Variants in LRRC7 observed in about 807,000 individuals in gnomAD.
LRRC7 encodes leucine-rich repeat-containing protein 7.
Under a neutral mutation model 175.7 loss-of-function variants are expected in LRRC7, and 23 were observed. That is an observed-to-expected ratio of 0.13 (90% CI 0.09 to 0.19). The LOEUF (loss-of-function observed/expected upper bound fraction) is 0.19. LRRC7 is among the 10% of genes least tolerant of loss of function. LRRC7 has a pLI of 1.00. For synonymous variants in LRRC7, 685 were observed against 680.9 expected (o/e 1.01, Z -0.09); for missense variants, 1,354 against 1,904.7 (o/e 0.71, Z 5.38).
intron 7 of LRRC7, among the ~76,000 whole-genome samples, chr1:69,899,860 C>T (rs1003159343): frequency 1.3e-4 from 20 of 152,138 alleles, no homozygotes; most frequent in Non-Finnish European, 2.1e-4. Flanking sequence ...AGTCCCTCAC[C>T]GGATGGCAGT....
chr1:69,700,527 C>A (rs1242514254), intron 2 of LRRC7, among the ~76,000 whole-genome samples: 1 of 152,172 alleles, frequency 6.6e-6, no homozygotes, highest in East Asian at 1.9e-4. Flanking sequence ...ATGTCTCCTT[C>A]CTCACAGCAT....
In LRRC7 at chr1:70,127,589, T is replaced by C. The variant is rs1191904576; in HGVS notation, c.*5702T>C. 1.1e-4 allele frequency among the ~76,000 whole-genome samples: 16 copies of C among 152,160 alleles called. No homozygotes were observed. The highest frequency in any genetic ancestry group is 1.0e-3 in the Admixed American group (16 of 15,282). On this transcript the variant is annotated 3_prime_UTR_variant, in exon 27 of 27. Coordinates refer to ENST00000651989, the MANE Select transcript of LRRC7 (RefSeq NM_001370785.2). ...CTTCAGCTGGTAGAGTCTTCCCAGT[T>C]GGGTTCTGAGCTCATGCTCTTTGTA...
intron 1 of LRRC7, among the ~76,000 whole-genome samples, chr1:69,588,531 G>A (rs948483236): frequency 6.6e-6 from 1 of 152,068 alleles, no homozygotes; most frequent in Non-Finnish European, 1.5e-5. Flanking sequence ...GCAATATAGT[G>A]GATAAAGTAT....
chr1:69,571,589 A>G (rs567893167), intron 1 of LRRC7, among the ~76,000 whole-genome samples: 4 of 152,268 alleles, frequency 2.6e-5, no homozygotes, highest in South Asian at 2.1e-4. Flanking sequence ...TAAATATTTG[A>G]TACAAAAACT....
rs1197484085 is a variant in LRRC7 at position 69,852,054 on chromosome 1, C to A, written c.647+13771C>A. 1.1e-4 allele frequency among the ~76,000 whole-genome samples: 16 copies of A among 151,994 alleles called. 1 individual carries two copies. On this transcript the variant is annotated intron_variant, in intron 7 of 26. Coordinates refer to ENST00000651989, the MANE Select transcript of LRRC7 (RefSeq NM_001370785.2). ...CTCTCCTTTTTGATATACCGTAAGT[C>A]TTTAAAGTGCAATCCAAATGCTACT...
At chr1:69,951,849 C>T (rs1649972445) in intron 8 of LRRC7, among the ~76,000 whole-genome samples, 1 of 151,864 alleles carries the variant, frequency 6.6e-6, no homozygotes, top group Non-Finnish European at 1.5e-5. Context: ...AGGCTGAATA[C>T]CTGGGTGAAG....
intron 2 of LRRC7, among the ~76,000 whole-genome samples, chr1:69,749,831 A>G (rs985474152): frequency 4.6e-4 from 70 of 152,006 alleles, no homozygotes; most frequent in African/African-American, 1.5e-3. Flanking sequence ...TGGGAGGCTG[A>G]GGTGGGCGGA....
intron 1 of LRRC7, among the ~76,000 whole-genome samples, chr1:69,662,515 C>A (rs921522128): frequency 1.8e-4 from 28 of 152,168 alleles, no homozygotes; most frequent in Admixed American, 5.9e-4. Flanking sequence ...GCTGCCCTTA[C>A]AAATGAGGAA....
At chr1:70,020,865 TTC>T (rs1421560053) in intron 15 of LRRC7, 138 bp from the exon 16 acceptor site, 6 of 583,026 alleles carry the variant, frequency 1.0e-5, no homozygotes, top group African/African-American at 9.8e-5. Flanking sequence ...CTTTCCTTCT[TTC>T]TCTTTCTTTT....
intron 1 of LRRC7, among the ~76,000 whole-genome samples, chr1:69,671,074 C>G (rs542644676): frequency 6.6e-6 from 1 of 152,216 alleles, no homozygotes; most frequent in East Asian, 1.9e-4. Flanking sequence ...TTTTCTCAAG[C>G]AAGAGGAGTC....
At chr1:70,027,307 C>T (rs949490463) in intron 17 of LRRC7, among the ~76,000 whole-genome samples, 7 of 152,002 alleles carry the variant, frequency 4.6e-5, no homozygotes, top group African/African-American at 7.2e-5. Flanking sequence ...TAACAAGTAC[C>T]GTGATGATGA....
At chr1:69,824,841 T>C (rs755777031) in intron 4 of LRRC7, among the ~76,000 whole-genome samples, 1 of 152,148 alleles carries the variant, frequency 6.6e-6, no homozygotes, top group Non-Finnish European at 1.5e-5. Context: ...GATAATAGTT[T>C]CAAAAATTGA....
At chr1:69,758,714 G>A (rs1041705732) in intron 2 of LRRC7, among the ~76,000 whole-genome samples, 3 of 151,866 alleles carry the variant, frequency 2.0e-5, no homozygotes, top group African/African-American at 7.3e-5. Flanking sequence ...TAGTGGCCAT[G>A]TTTGCGCAGT....
At chr1:70,008,878 C>T (rs184770789) in intron 11 of LRRC7, among the ~76,000 whole-genome samples, 3 of 152,210 alleles carry the variant, frequency 2.0e-5, no homozygotes, top group East Asian at 3.9e-4. Flanking sequence ...GTGACGTGAC[C>T]GGTCACTGAT....
At chr1:69,736,601 G>C (rs921262595) in intron 2 of LRRC7, among the ~76,000 whole-genome samples, 18 of 152,074 alleles carry the variant, frequency 1.2e-4, no homozygotes, top group Non-Finnish European at 2.9e-5. Flanking sequence ...GAAAGTTACA[G>C]AAAATTTGGG....
chr1:69,905,058 A>G (rs1366398717), intron 7 of LRRC7, among the ~76,000 whole-genome samples: 1 of 152,194 alleles, frequency 6.6e-6, no homozygotes, highest in Non-Finnish European at 1.5e-5. Flanking sequence ...CCTCAATGGT[A>G]GACTTTATTC....
chr1:69,712,937 A>T (rs998784245), intron 2 of LRRC7, among the ~76,000 whole-genome samples: 2 of 152,150 alleles, frequency 1.3e-5, no homozygotes, highest in Non-Finnish European at 2.9e-5. Flanking sequence ...TAACACAAAG[A>T]TCTGTTGTTC....
At chr1:69,869,532 T>C (rs1685295239) in intron 7 of LRRC7, among the ~76,000 whole-genome samples, 1 of 152,144 alleles carries the variant, frequency 6.6e-6, no homozygotes, top group Non-Finnish European at 1.5e-5. Flanking sequence ...AGACAGATAA[T>C]TGGGCTGGAA....
intron 2 of LRRC7, among the ~76,000 whole-genome samples, chr1:69,731,948 T>C (rs1667624108): frequency 6.6e-6 from 1 of 152,122 alleles, no homozygotes; most frequent in Non-Finnish European, 1.5e-5. Flanking sequence ...AATTTTCCCC[T>C]TATAGAACAA....
Sources: allele counts gnomAD v4.1 joint callset (sites outside exome capture counted in the v4.1 genomes callset), GRCh38; gene constraint gnomAD v4.1.1; transcripts MANE v1.5; gene names NCBI Gene and HGNC (gene_info 2026-07-23, HGNC 2026-07-21).